Variants in LY96 observed in about 807,000 individuals in gnomAD.
LY96 encodes the protein myeloid differentiation protein-2.
LY96 carries 18 observed loss-of-function variants against 18.9 expected under a neutral mutation model. That is an observed-to-expected ratio of 0.95 (90% CI 0.66 to 1.41). The LOEUF (loss-of-function observed/expected upper bound fraction) is 1.41. Ranked by LOEUF, LY96 falls within the 40% of genes most tolerant of loss-of-function variation. The probability of loss-of-function intolerance (pLI) is 0.00; values close to 1 mark genes in which losing one functional copy is unlikely to be tolerated. For synonymous variants in LY96, 66 were observed against 62.6 expected, an observed-to-expected ratio of 1.06 and a Z score of -0.26; for missense variants, 175 against 182.4, an observed-to-expected ratio of 0.96 and a Z score of 0.23.
At chr8:74,050,857 T>C in the LY96 span, among the ~76,000 whole-genome samples, 5 of 152,090 alleles carry the variant, frequency 3.3e-5, no homozygotes, top group African/African-American at 1.2e-4. Flanking sequence ...ATTCCGTCTC[T>C]ACTAAAAATA....
the LY96 span, among the ~76,000 whole-genome samples, chr8:74,067,182 C>T: frequency 6.6e-6 from 1 of 152,164 alleles, no homozygotes; most frequent in Non-Finnish European, 1.5e-5. Context: ...CATGACAGCC[C>T]TCCCTTCTTA....
In LY96 at chr8:74,001,967, CTT is replaced by C. The variant is rs1433583835; in HGVS notation, c.113-2828_113-2827del. On this transcript the variant is annotated intron_variant, in intron 1 of 4. Transcript: ENST00000284818. ...CCTTCCTTCCTTCCTTCCTTCCTTC[CTT>C]CCTTCCTTCCCTCCCTCCCTCCCTC... Among the ~76,000 whole-genome samples, 766 of 141,314 alleles carry C rather than the reference CTT, an allele frequency of 5.4e-3. 14 individuals carry two copies. The highest frequency in any genetic ancestry group is 8.9e-3 in the Non-Finnish European group (581 of 65,468). 92.7% of individuals were successfully genotyped at this position (141,314 alleles called of 152,430 possible).
At chr8:74,073,373 G>T in the LY96 span, among the ~76,000 whole-genome samples, 8 of 152,198 alleles carry the variant, frequency 5.3e-5, no homozygotes, top group South Asian at 2.1e-4. Context: ...CAGCGTGAAA[G>T]GTGCTTTCTC....
chr8:74,033,899 A>G (rs560615289), downstream of LY96, among the ~76,000 whole-genome samples: 93 of 134,214 alleles, frequency 6.9e-4, no homozygotes, highest in Non-Finnish European at 1.0e-3. Flanking sequence ...ACAATTGGAG[A>G]CTTTTTTTTT....
chr8:74,090,270 G>A, the LY96 span, among the ~76,000 whole-genome samples: 70 of 152,262 alleles, frequency 4.6e-4, no homozygotes, highest in Admixed American at 1.5e-3. Flanking sequence ...CAGGTGGTAA[G>A]GGGTCATGTT....
intron 3 of LY96, among the ~76,000 whole-genome samples, chr8:74,012,469 T>C (rs963729290): frequency 2.0e-5 from 3 of 152,030 alleles, no homozygotes; most frequent in Non-Finnish European, 2.9e-5. Context: ...CACTCATAAG[T>C]GGGTGCTAAA....
At chr8:73,992,634 G>A (rs1331676957) in intron 1 of LY96, among the ~76,000 whole-genome samples, 1 of 152,148 alleles carries the variant, frequency 6.6e-6, no homozygotes, top group Non-Finnish European at 1.5e-5. Context: ...CATGTGAGGA[G>A]GAGACTTAGG....
intron 1 of LY96, among the ~76,000 whole-genome samples, chr8:73,996,747 T>C (rs908748822): frequency 6.6e-6 from 1 of 151,294 alleles, no homozygotes; most frequent in Non-Finnish European, 1.5e-5. Flanking sequence ...TTTTGGGGGA[T>C]GGGATTTATT....
intron 3 of LY96, among the ~76,000 whole-genome samples, chr8:74,016,411 G>A (rs537834941): frequency 6.6e-6 from 1 of 152,330 alleles, no homozygotes; most frequent in African/African-American, 2.4e-5. Flanking sequence ...GCCTGCCTCT[G>A]TAGACTCCAC....
chr8:74,025,459 A>G (rs1816850104), intron 3 of LY96, among the ~76,000 whole-genome samples: 1 of 151,816 alleles, frequency 6.6e-6, no homozygotes, highest in Admixed American at 6.6e-5. Context: ...GTTCAATACC[A>G]GCCTGGCCAA....
rs770113651 is a variant in LY96 at position 74,010,119 on chromosome 8, T to A, written c.321T>A (p.Ala107=). 1.9e-6 allele frequency: 3 copies of A among 1,613,034 alleles called. No individual in the cohort carries two copies. The highest frequency in any genetic ancestry group is 2.7e-5 in the African/African-American group (2 of 75,026). ...GSDDDYSFCR[A]LKGETVNTTI... Reference sequence around the variant, plus strand: ...ATGACGATTACTCTTTTTGCAGAGCTCTGAAGGGAGGTAAGTATTCAGTTC... The same window carrying A: ...ATGACGATTACTCTTTTTGCAGAGCACTGAAGGGAGGTAAGTATTCAGTTC... Residue 107 remains alanine, a synonymous_variant, in exon 3 of 5, where the codon GCT becomes GCA. Transcript: ENST00000284818.
Position 74,009,859 on chromosome 8 carries a change from G to T in LY96, c.203-142G>T, listed in dbSNP as rs537661664. On this transcript the variant is annotated intron_variant, in intron 2 of 4. Transcript: ENST00000284818. ...CATCTGCAGAAGAAGAGTAATAATT[G>T]ACATCTTGTAGATAGTTGTGATGAT... is the stretch of plus-strand genomic sequence containing the variant. 3 of 639,832 alleles carry T rather than the reference G, an allele frequency of 4.7e-6. No individual in the cohort carries two copies. In the East Asian group the frequency reaches 8.8e-5, roughly 19 times the overall value. 39.6% of individuals were successfully genotyped at this position (639,832 alleles called of 1,614,324 possible). A position where few individuals can be genotyped will look rare whatever the true frequency, so the allele number is the denominator to read the frequency against.
At chr8:74,085,970 G>C in the LY96 span, among the ~76,000 whole-genome samples, 76 of 152,226 alleles carry the variant, frequency 5.0e-4, no homozygotes, top group Non-Finnish European at 9.7e-4. Flanking sequence ...TCACCCTGCG[G>C]TAAATTAGAT....
the LY96 span, among the ~76,000 whole-genome samples, chr8:74,084,533 C>T: frequency 0.025 from 3,817 of 152,274 alleles, 136 homozygotes; most frequent in African/African-American, 0.085. Flanking sequence ...GATTGTACCC[C>T]TTCTTCCCCA....
chr8:74,031,423 C>T (rs573284944), downstream of LY96, among the ~76,000 whole-genome samples: 16 of 152,134 alleles, frequency 1.1e-4, no homozygotes, highest in South Asian at 6.2e-4. Flanking sequence ...GTTAGGAGTT[C>T]GAGACCAGCC....
At chr8:74,026,989 A>G (rs1816885013) in intron 4 of LY96, 148 bp downstream of exon 4, 1 of 580,086 alleles carries the variant, frequency 1.7e-6, no homozygotes, top group Non-Finnish European at 3.1e-6. Flanking sequence ...GCTGGAGTGC[A>G]GTGGCACGAT....
In LY96 at chr8:74,025,654, C is replaced by CAA. The variant is rs574843103; in HGVS notation, c.332-1115_332-1114dup. Among the ~76,000 whole-genome samples, 80 of 68,644 alleles carry CAA rather than the reference C, an allele frequency of 1.2e-3. 1 individual carries two copies. Among genetic ancestry groups the CAA allele is most frequent in the African/African-American group, 3.1e-3 (65 of 21,100 alleles). 45.0% of individuals were successfully genotyped at this position (68,644 alleles called of 152,430 possible). ...TGGGCGACAGAGCGAAACTCCGTCT[C>CAA]AAAAAAAAAAAAAAAAAAAAAGATA... On this transcript the variant is annotated intron_variant, in intron 3 of 4. Transcript: ENST00000284818.
chr8:73,996,255 G>A (rs1164555144), intron 1 of LY96, among the ~76,000 whole-genome samples: 1 of 152,008 alleles, frequency 6.6e-6, no homozygotes, highest in Non-Finnish European at 1.5e-5. Context: ...CTCCTGCCTT[G>A]GCCTTCCAAA....
chr8:74,083,363 C>T, the LY96 span, among the ~76,000 whole-genome samples: 9 of 151,880 alleles, frequency 5.9e-5, no homozygotes, highest in Admixed American at 1.3e-4. Context: ...TACAGGCGCC[C>T]GCCACCACAC....
Sources: allele counts gnomAD v4.1 joint callset (sites outside exome capture counted in the v4.1 genomes callset), GRCh38; gene constraint gnomAD v4.1.1; transcripts MANE v1.5; gene names NCBI Gene and HGNC (gene_info 2026-07-23, HGNC 2026-07-21).